Variants in GLOD4 observed in about 807,000 individuals in gnomAD.
The protein encoded by GLOD4 is glyoxalase domain-containing protein 4.
A neutral mutation model predicts 39.1 loss-of-function variants in GLOD4; 44 were observed. The ratio of observed to expected loss-of-function variants is 1.13; its 90% CI spans 0.88 to 1.45. The LOEUF (loss-of-function observed/expected upper bound fraction) is 1.45, where lower values mean the gene tolerates loss of function less well. Among genes scored for constraint, GLOD4 ranks in the 40% most tolerant of loss-of-function variants. The probability of loss-of-function intolerance (pLI) is 0.00; values close to 1 mark genes in which losing one functional copy is unlikely to be tolerated. For missense variants in GLOD4, 405 were observed against 366.4 expected, an observed-to-expected ratio of 1.11 and a Z score of -0.86; for synonymous variants, 145 against 135.0, an observed-to-expected ratio of 1.07 and a Z score of -0.52.
Position 760,088 on chromosome 17 carries a change from A to G in GLOD4, c.*85T>C, listed in dbSNP as rs528682390. 2 of 806,078 alleles carry G rather than the reference A, an allele frequency of 2.5e-6. No homozygotes were observed. The highest frequency in any genetic ancestry group is 3.4e-5 in the African/African-American group (2 of 59,184). 49.9% of individuals were successfully genotyped at this position (806,078 alleles called of 1,614,324 possible). ...CTTGCCTGTACGGGAAACAAATCAG[A>G]AGAGCATTTATTGGGAACTGACACG... On this transcript the variant is annotated 3_prime_UTR_variant, in exon 9 of 9. Transcript: ENST00000301329.
At chr17:783,860 T>G (rs1306422591), upstream of GLOD4, among the ~76,000 whole-genome samples, 4 of 152,206 alleles carry the variant, frequency 2.6e-5, no homozygotes, top group Admixed American at 2.6e-4. Flanking sequence ...CCTCAAACCT[T>G]CTATTTTTTA....
chr17:777,019 C>G, intron 2 of GLOD4, 31 bp from the exon 3 acceptor site: 1 of 1,609,098 alleles, frequency 6.2e-7, no homozygotes, highest in South Asian at 1.1e-5. Flanking sequence ...AACTCAGTGA[C>G]TACAGACAAG....
At position 782,232 on chromosome 17, in the gene GLOD4, G is replaced by A. The variant is rs902924845; in HGVS notation, c.24C>T (p.His8=). MAARRAL[H]FVFKVGNRFQ... is the part of the protein sequence containing the mutation. Reference sequence around the variant, plus strand: ...AGCGGTTTCCCACTTTGAATACGAAGTGCAGAGCTCTGCGAGCAGCCATGA... The same window carrying A: ...AGCGGTTTCCCACTTTGAATACGAAATGCAGAGCTCTGCGAGCAGCCATGA... The change falls in exon 1 of 9, where the codon CAC becomes CAT. Residue 8 remains histidine, a synonymous_variant. Transcript: ENST00000301329. 3.1e-6 allele frequency: 5 copies of A among 1,612,994 alleles called. No individual in the cohort carries two copies. Among genetic ancestry groups the A allele is most frequent in the African/African-American group, 1.3e-5 (1 of 74,894 alleles).
chr17:768,306 T>C (rs1322890473), intron 8 of GLOD4, among the ~76,000 whole-genome samples: 2 of 148,030 alleles, frequency 1.4e-5, no homozygotes, highest in Non-Finnish European at 1.5e-5. Context: ...ACTCAGATTT[T>C]TAGAAGAAGA....
intron 4 of GLOD4, 86 bp from the exon 5 acceptor site, chr17:771,547 T>C: frequency 1.3e-6 from 1 of 744,626 alleles, no homozygotes; most frequent in Non-Finnish European, 2.1e-6. Context: ...TACTTACAAA[T>C]TCAGTTTATG....
intron 5 of GLOD4, 65 bp from the exon 6 acceptor site, chr17:770,572 A>G (rs560711423): frequency 7.5e-6 from 6 of 801,370 alleles, no homozygotes; most frequent in East Asian, 7.3e-5. Context: ...ATGTGGTAGA[A>G]AAATTCAAAT....
At chr17:773,514 G>GT (rs937104200) in intron 4 of GLOD4, among the ~76,000 whole-genome samples, 9 of 152,040 alleles carry the variant, frequency 5.9e-5, no homozygotes, top group African/African-American at 2.2e-4. Context: ...ACATGGGTGT[G>GT]TGTGTTTTTT....
intron 1 of GLOD4, among the ~76,000 whole-genome samples, chr17:780,137 C>G (rs1044326074): frequency 2.0e-5 from 3 of 151,994 alleles, no homozygotes; most frequent in African/African-American, 7.3e-5. Flanking sequence ...GCACTCCAGC[C>G]TGGGCGAAAG....
intron 7 of GLOD4, 22 bp downstream of exon 7, chr17:770,022 C>T (rs1907651446): frequency 6.4e-7 from 1 of 1,563,600 alleles, no homozygotes; most frequent in African/African-American, 1.4e-5. Flanking sequence ...TCCAGCCTGC[C>T]CCCTGCCTGA....
intron 8 of GLOD4, among the ~76,000 whole-genome samples, chr17:768,702 G>C (rs1186815482): frequency 2.5e-4 from 15 of 59,530 alleles, no homozygotes; most frequent in African/African-American, 1.2e-3. Context: ...ATTTTTAGAG[G>C]AAGAAATCTG....
At chr17:773,434 AT>A (rs1908337555) in intron 4 of GLOD4, among the ~76,000 whole-genome samples, 1 of 152,240 alleles carries the variant, frequency 6.6e-6, no homozygotes, top group East Asian at 1.9e-4. Flanking sequence ...ACACTTAATT[AT>A]ATATACGTAT....
At chr17:762,425 G>C (rs754556375) in intron 8 of GLOD4, among the ~76,000 whole-genome samples, 1 of 152,056 alleles carries the variant, frequency 6.6e-6, no homozygotes, top group African/African-American at 2.4e-5. Context: ...GCCCCGGCCT[G>C]CACCTACTCA....
chr17:763,971 G>GT (rs773901200), intron 8 of GLOD4: 12 of 152,182 alleles, frequency 7.9e-5, no homozygotes, highest in Non-Finnish European at 1.6e-4. Context: ...AAAAACTACA[G>GT]TACAGAGTCA....
At position 782,192 on chromosome 17, in the gene GLOD4, A is replaced by AACGC; in HGVS notation, c.60_63dup (p.Phe22AlafsTer15). 1 of 1,609,882 alleles carries AACGC rather than the reference A, an allele frequency of 6.2e-7. No individual in the cohort carries two copies. The highest frequency in any genetic ancestry group is 8.5e-7 in the Non-Finnish European group (1 of 1,177,084). On this transcript the variant is annotated frameshift_variant, in exon 1 of 9. Coordinates refer to ENST00000301329, the MANE Select transcript of GLOD4 (RefSeq NM_016080.4). LOFTEE classifies it high-confidence loss of function. ...TTCATCCCCAGGACGTCCCGATAGA[A>AACGC]ACGCGCCGTCTGGAAGCGGTTTCCC...
intron 4 of GLOD4, among the ~76,000 whole-genome samples, chr17:775,106 TA>T (rs60310367): frequency 0.025 from 2,169 of 87,260 alleles, 39 homozygotes; most frequent in African/African-American, 0.071. Context: ...ATAAAAATAC[TA>T]AAAAAAAAAA....
At chr17:775,738 T>C in intron 4 of GLOD4, 37 bp downstream of exon 4, 2 of 1,589,392 alleles carry the variant, frequency 1.3e-6, no homozygotes, top group Non-Finnish European at 1.7e-6. Context: ...CAAAGATGCC[T>C]TTAGACAGAG....
intron 5 of GLOD4, chr17:770,775 AATAC>A: frequency 3.1e-6 from 1 of 323,322 alleles, no homozygotes; most frequent in Middle Eastern, 9.2e-4. Flanking sequence ...TTACCATGTC[AATAC>A]ATAAAGATTT....
At chr17:765,556 G>A (rs188658374) in intron 8 of GLOD4, among the ~76,000 whole-genome samples, 31 of 150,816 alleles carry the variant, frequency 2.1e-4, no homozygotes, top group African/African-American at 7.2e-4. Flanking sequence ...ATGGCCAGGC[G>A]CAGTGGCTCA....
chr17:760,827 C>T (rs1167521749), intron 8 of GLOD4, among the ~76,000 whole-genome samples: 2 of 152,216 alleles, frequency 1.3e-5, no homozygotes, highest in Non-Finnish European at 2.9e-5. Context: ...AGTGGTCACA[C>T]CTATAGTCAC....
Sources: allele counts gnomAD v4.1 joint callset (sites outside exome capture counted in the v4.1 genomes callset), GRCh38; gene constraint gnomAD v4.1.1; transcripts MANE v1.5; gene names NCBI Gene and HGNC (gene_info 2026-07-23, HGNC 2026-07-21).